NPHS1: variants seen among roughly 807,000 people sequenced by gnomAD.
NPHS1 encodes the protein NPHS1 adhesion molecule, nephrin, also known as nephrin.
In NPHS1, 107 loss-of-function variants were observed where a neutral mutation model predicts 139.7. That is an observed-to-expected ratio of 0.77 (90% CI 0.66 to 0.90). The LOEUF is 0.90. Ranked by LOEUF, NPHS1 falls within the 40% of genes least tolerant of loss-of-function variation. NPHS1 has a pLI of 0.00. For synonymous variants in NPHS1, 707 were observed against 706.6 expected, an observed-to-expected ratio of 1.00 and a Z score of -0.01; for missense variants, 1,580 against 1,654.2, an observed-to-expected ratio of 0.96 and a Z score of 0.78.
At position 35,825,649 on chromosome 19, in the gene NPHS1, A is replaced by G. The variant is rs904828636; in HGVS notation, c.*865T>C. Among the ~76,000 whole-genome samples the G allele has an allele frequency of 1.1e-4, 17 of 152,186 alleles. No individual in the cohort carries two copies. Among genetic ancestry groups the G allele is most frequent in the Non-Finnish European group, 1.5e-4 (10 of 68,042 alleles). ...TTTCTATAAACGAAAGCACACACACAGTACATATTCTTTTCCTCTAGCTTC... is the reference window on the plus strand; with the variant it reads ...TTTCTATAAACGAAAGCACACACACGGTACATATTCTTTTCCTCTAGCTTC... On this transcript the variant is annotated 3_prime_UTR_variant, in exon 29 of 29. Transcript: ENST00000378910.
At chr19:35,831,205 G>A (rs953610633) in intron 26 of NPHS1, 59 bp from the exon 27 acceptor site, 51 of 1,602,506 alleles carry the variant, frequency 3.2e-5, no homozygotes, top group East Asian at 1.3e-4. Context: ...CACTGTGCCC[G>A]GAAGGGCAAT....
chr19:35,827,137 A>G (rs551745586), intron 28 of NPHS1, among the ~76,000 whole-genome samples: 1 of 151,238 alleles, frequency 6.6e-6, no homozygotes, highest in East Asian at 1.9e-4. Context: ...CACCACACCC[A>G]GCTAACTTTT....
chr19:35,834,101 C>T (rs1168256031), intron 23 of NPHS1, among the ~76,000 whole-genome samples: 4 of 152,138 alleles, frequency 2.6e-5, no homozygotes, highest in Admixed American at 2.0e-4. Context: ...TGGTTGCAAT[C>T]ATCTCCCAGT....
rs1383856442 is a variant in NPHS1 at position 35,849,164 on chromosome 19, G to A, written c.841-17C>T. The A allele has an allele frequency of 3.7e-6, 6 of 1,611,762 alleles. No homozygotes were observed. The East Asian group carries it at 6.7e-5, about 18-fold the overall frequency. On this transcript the variant is annotated splice_polypyrimidine_tract_variant and intron_variant, in intron 7 of 28. Coordinates refer to ENST00000378910, the MANE Select transcript of NPHS1 (RefSeq NM_004646.4). Reference sequence around the variant, plus strand: ...CTGGCCATTCTGGAGACAGGGACAGGCCTGGGCCAGCTCAGGACTGGCTCC... The same window carrying A: ...CTGGCCATTCTGGAGACAGGGACAGACCTGGGCCAGCTCAGGACTGGCTCC...
At chr19:35,841,303 G>A (rs1045052084) in intron 20 of NPHS1, among the ~76,000 whole-genome samples, 6 of 152,020 alleles carry the variant, frequency 3.9e-5, no homozygotes, top group Admixed American at 6.6e-5. Context: ...AATCCAGGAG[G>A]CAGAGGTTGC....
intron 21 of NPHS1, 35 bp downstream of exon 21, chr19:35,839,461 C>G (rs1973022372): frequency 6.2e-7 from 1 of 1,613,134 alleles, no homozygotes; most frequent in Non-Finnish European, 8.5e-7. Context: ...GTGCCCTAGC[C>G]CATTCCCTTC....
chr19:35,837,587 T>TTCTC lies in NPHS1; in HGVS notation c.3109+1646_3109+1649dup, dbSNP rs58943001. ...GTTCGTCTTTTATTAGCTTCTTTCT[T>TTCTC]TCTCTCTCTCTCTCTCTCTCTCTTT... On this transcript the variant is annotated intron_variant, in intron 22 of 28. Coordinates refer to ENST00000378910, the MANE Select transcript of NPHS1 (RefSeq NM_004646.4). 1.0e-3 allele frequency among the ~76,000 whole-genome samples: 150 copies of TTCTC among 149,260 alleles called. 2 individuals carry two copies. The highest frequency in any genetic ancestry group is 2.6e-3 in the African/African-American group (107 of 40,686).
chr19:35,828,453 A>G (rs1174342515), intron 28 of NPHS1, among the ~76,000 whole-genome samples: 6 of 151,982 alleles, frequency 3.9e-5, no homozygotes, highest in Non-Finnish European at 8.8e-5. Flanking sequence ...TTTAGTAGAG[A>G]CGGGGTTTCA....
At position 35,839,495 on chromosome 19, in the gene NPHS1, C is replaced by A; in HGVS notation, c.2927+1G>T. 1 of 1,613,962 alleles carries A rather than the reference C, an allele frequency of 6.2e-7. No homozygotes were observed. The highest frequency in any genetic ancestry group is 8.5e-7 in the Non-Finnish European group (1 of 1,179,854). On this transcript the variant is annotated splice_donor_variant, in intron 21 of 28. Transcript: ENST00000378910. LOFTEE classifies it high-confidence loss of function. Reference sequence around the variant, plus strand: ...TCCCTCCTGCCTCGACAAGGACCCACCTGATGCAGAACCTCTGTGGCAGGC... The same window carrying A: ...TCCCTCCTGCCTCGACAAGGACCCAACTGATGCAGAACCTCTGTGGCAGGC...
Position 35,848,285 on chromosome 19 carries a change from G to T in NPHS1, c.1283C>A (p.Thr428Asn). The T allele has an allele frequency of 6.2e-7, 1 of 1,614,158 alleles. No individual in the cohort carries two copies. The highest frequency in any genetic ancestry group is 8.5e-7 in the Non-Finnish European group (1 of 1,180,032). Reference protein sequence around the residue: ...EAFSEAFTKETFKKSLILNVK... With the variant: ...EAFSEAFTKENFKKSLILNVK... ...GTTCAGGATGAGCGACTTCTTGAAGGTCTCCTTGGTGAAGGCTTCACTGAA... is the reference window on the plus strand; with the variant it reads ...GTTCAGGATGAGCGACTTCTTGAAGTTCTCCTTGGTGAAGGCTTCACTGAA... Residue 428 changes from threonine (T) to asparagine (N), a missense_variant, in exon 10 of 29, where the codon ACC becomes AAC. Transcript: ENST00000378910.
At chr19:35,848,218 C>T in intron 10 of NPHS1, 35 bp downstream of exon 10, 1 of 1,614,108 alleles carries the variant, frequency 6.2e-7, no homozygotes, top group South Asian at 1.1e-5. Flanking sequence ...GGTCCTGAGG[C>T]TTGGGGGCAT....
chr19:35,851,110 G>A (rs1467612312), intron 3 of NPHS1, 21 bp from the exon 4 acceptor site: 17 of 1,613,954 alleles, frequency 1.1e-5, no homozygotes, highest in Non-Finnish European at 9.3e-6. Context: ...AAGGGTCTGG[G>A]GTAAGCTTCC....
Position 35,841,810 on chromosome 19 carries a change from G to A in NPHS1, c.2720C>T (p.Ala907Val). 1.2e-6 allele frequency: 2 copies of A among 1,614,120 alleles called. No individual in the cohort carries two copies. Among genetic ancestry groups the A allele is most frequent in the Non-Finnish European group, 1.7e-6 (2 of 1,180,020 alleles). Residue 907 changes from alanine (A) to valine (V), a missense_variant, in exon 20 of 29, where the codon GCC (alanine) becomes GTC (valine). Physicochemically the swap from Ala to Val is moderately conservative, Grantham distance 64. Transcript: ENST00000378910. ...GGVHSSLLTI[A>V]NVSAAQDYAL... is the part of the protein sequence containing the mutation. ...GTAATCCTGGGCGGCAGACACGTTG[G>A]CAATGGTCAGGAGGCTGCTGTGGAC...
intron 28 of NPHS1, 59 bp downstream of exon 28, chr19:35,830,785 T>C (rs749653419): frequency 1.1e-5 from 12 of 1,049,426 alleles, no homozygotes; most frequent in Non-Finnish European, 1.7e-5. Context: ...ATACAAGCAA[T>C]AGGAGGTAGG....
intron 28 of NPHS1, among the ~76,000 whole-genome samples, chr19:35,828,961 AG>A (rs80049961): frequency 0.35 from 53,313 of 152,138 alleles, 10,364 homozygotes; most frequent in East Asian, 0.66. Context: ...TCCTTGGCCC[AG>A]GAGGTGCCAG....
chr19:35,831,511 C>G lies in NPHS1; in HGVS notation c.3287-11G>C. 1 of 1,613,826 alleles carries G rather than the reference C, an allele frequency of 6.2e-7. No individual in the cohort carries two copies. The highest frequency in any genetic ancestry group is 8.5e-7 in the Non-Finnish European group (1 of 1,179,946). On this transcript the variant is annotated splice_polypyrimidine_tract_variant and intron_variant, in intron 24 of 28. Coordinates refer to ENST00000378910, the MANE Select transcript of NPHS1 (RefSeq NM_004646.4). Reference sequence around the variant, plus strand: ...TCTTCTCTGAGATGCCTGAAGGAAACAGGAATAAAGGGCTCAGTGACCCTA... The same window carrying G: ...TCTTCTCTGAGATGCCTGAAGGAAAGAGGAATAAAGGGCTCAGTGACCCTA...
intron 23 of NPHS1, among the ~76,000 whole-genome samples, chr19:35,834,494 G>A (rs1972927241): frequency 6.6e-6 from 1 of 152,154 alleles, no homozygotes; most frequent in African/African-American, 2.4e-5. Flanking sequence ...AAAGCTAACT[G>A]ATGCAGGCTT....
chr19:35,840,743 C>T (rs1025076807), intron 20 of NPHS1, among the ~76,000 whole-genome samples: 5 of 145,576 alleles, frequency 3.4e-5, no homozygotes, highest in African/African-American at 7.9e-5. Flanking sequence ...GGCTGGAGTG[C>T]GGTGGCGCGA....
chr19:35,830,332 C>T (rs1162017757), intron 28 of NPHS1, among the ~76,000 whole-genome samples: 2 of 152,236 alleles, frequency 1.3e-5, no homozygotes, highest in East Asian at 1.9e-4. Context: ...ATGGGTTGAA[C>T]CCCCAGTGAA....
Sources: allele counts gnomAD v4.1 joint callset (sites outside exome capture counted in the v4.1 genomes callset), GRCh38; gene constraint gnomAD v4.1.1; transcripts MANE v1.5; gene names NCBI Gene and HGNC (gene_info 2026-07-23, HGNC 2026-07-21).